DEFA4: variants seen among roughly 807,000 people sequenced by gnomAD.
The protein encoded by DEFA4 is defensin alpha 4, also known as corticostatin.
DEFA4 carries 8 observed loss-of-function variants against 4.4 expected under a neutral mutation model. The ratio of observed to expected loss-of-function variants is 1.82; its 90% CI spans 1.07 to 3.29. The LOEUF (loss-of-function observed/expected upper bound fraction) is 3.29, where lower values mean the gene tolerates loss of function less well. Among genes scored for constraint, DEFA4 ranks in the 30% most tolerant of loss-of-function variants. DEFA4 has a pLI of 0.00. For missense variants in DEFA4, 216 were observed against 127.0 expected, an observed-to-expected ratio of 1.70 and a Z score of -3.37; for synonymous variants, 77 against 46.5, an observed-to-expected ratio of 1.66 and a Z score of -2.67.
chr8:6,937,636 A>G (rs551205896), intron 1 of DEFA4, among the ~76,000 whole-genome samples: 2 of 152,302 alleles, frequency 1.3e-5, no homozygotes, highest in East Asian at 3.9e-4. Flanking sequence ...AAACCATACA[A>G]CTACGAGAAG....
chr8:6,936,154 A>C lies in DEFA4; in HGVS notation c.173-13T>G. 6.2e-7 allele frequency: 1 copy of C among 1,613,206 alleles called. No homozygotes were observed. The highest frequency in any genetic ancestry group is 8.5e-7 in the Non-Finnish European group (1 of 1,179,564). The stretch of plus-strand genomic sequence containing the variant: ...CCCCTTGTTGAGCCTGGGAACACAG[A>C]GGAAGCATGAGAAATTAAGCACCAA... On this transcript the variant is annotated splice_polypyrimidine_tract_variant and intron_variant, in intron 2 of 2. Coordinates refer to ENST00000297435, the MANE Select transcript of DEFA4 (RefSeq NM_001925.3).
In DEFA4 at chr8:6,936,928, A is replaced by G. The variant is rs1808882879; in HGVS notation, c.-12-17T>C. The G allele has an allele frequency of 6.5e-7, 1 of 1,548,130 alleles. No homozygotes were observed. Among genetic ancestry groups the G allele is most frequent in the Admixed American group, 1.9e-5 (1 of 53,560 alleles). On this transcript the variant is annotated splice_polypyrimidine_tract_variant and intron_variant, in intron 1 of 2. Coordinates refer to ENST00000297435, the MANE Select transcript of DEFA4 (RefSeq NM_001925.3). ...TGGGGTGACCTGGAGGAGGGAGAGC[A>G]GGAGCAGCTGTGTGGGGAGGGAGAA...
At chr8:6,937,539 G>C (rs966554916) in intron 1 of DEFA4, among the ~76,000 whole-genome samples, 2 of 151,798 alleles carry the variant, frequency 1.3e-5, no homozygotes, top group Non-Finnish European at 2.9e-5. Flanking sequence ...GAGTTGCTAG[G>C]TGCATACACG....
At chr8:6,936,629 A>C (rs937035062) in intron 2 of DEFA4, 99 bp downstream of exon 2, 7 of 1,293,286 alleles carry the variant, frequency 5.4e-6, no homozygotes, top group Non-Finnish European at 7.2e-6. Context: ...TGGTAAGTAA[A>C]GCCACCTAAG....
rs140882302 is a variant in DEFA4, at chr8:6,936,844, G to T, written c.56C>A (p.Ala19Glu). Residue 19 changes from alanine to glutamate, a missense_variant, in exon 2 of 3, where the codon GCA (alanine) becomes GAA (glutamate). Transcript: ENST00000297435. ...ATCACCTCTTGCCTGGAGTGGGCCT[G>T]CCCGGACCTGGAGGGCTACCAAGAG... ...AILLVALQVR[A>E]GPLQARGDEA... 39,391 of 1,612,910 alleles carry T rather than the reference G, an allele frequency of 0.024. 654 individuals are homozygous for T. The highest frequency in any genetic ancestry group is 0.029 in the Non-Finnish European group (33,855 of 1,179,420).
intron 1 of DEFA4, among the ~76,000 whole-genome samples, chr8:6,937,763 T>C (rs1808923474): frequency 6.6e-6 from 1 of 152,140 alleles, no homozygotes; most frequent in Non-Finnish European, 1.5e-5. Context: ...CATTGAACGC[T>C]AAAGCATCTT....
At chr8:6,937,706 C>T (rs778818512) in intron 1 of DEFA4, among the ~76,000 whole-genome samples, 2 of 152,086 alleles carry the variant, frequency 1.3e-5, no homozygotes, top group Non-Finnish European at 2.9e-5. Flanking sequence ...GCTATGACAC[C>T]AAAGGCACAG....
chr8:6,937,005 T>C lies in DEFA4; in HGVS notation c.-12-94A>G, dbSNP rs28540587. 3.1e-5 allele frequency: 36 copies of C among 1,173,140 alleles called. No homozygotes were observed. The African/African-American group carries it at 4.7e-4, about 15-fold the overall frequency. The allele number at this position is 1,173,140 out of a possible 1,614,324, so 72.7% of individuals were successfully genotyped here. A position where few individuals can be genotyped will look rare whatever the true frequency, so the allele number is the denominator to read the frequency against. On this transcript the variant is annotated intron_variant, in intron 1 of 2. Coordinates refer to ENST00000297435, the MANE Select transcript of DEFA4 (RefSeq NM_001925.3). ...GGAGAAGGCACAGAGATAAGAAACCTTTGGCCTTCTGAGTGAGAGGAGGTG... is the reference window on the plus strand; with the variant it reads ...GGAGAAGGCACAGAGATAAGAAACCCTTGGCCTTCTGAGTGAGAGGAGGTG...
chr8:6,936,832 T>C lies in DEFA4; in HGVS notation c.68A>G (p.Gln23Arg). ...VALQVRAGPL[Q>R]ARGDEAPGQE... ...GCCTGGAGCCTCATCACCTCTTGCC[T>C]GGAGTGGGCCTGCCCGGACCTGGAG... Residue 23 changes from glutamine (Q) to arginine (R), a missense_variant, in exon 2 of 3, where the codon CAG becomes CGG. Coordinates refer to ENST00000297435, the MANE Select transcript of DEFA4 (RefSeq NM_001925.3). 6.2e-7 allele frequency: 1 copy of C among 1,613,428 alleles called. No individual in the cohort carries two copies. The highest frequency in any genetic ancestry group is 1.3e-5 in the African/African-American group (1 of 75,018).
chr8:6,936,875 C>T lies in DEFA4; in HGVS notation c.25G>A (p.Ala9Thr), dbSNP rs996948736. Reference sequence around the variant, plus strand: ...ACCTGGAGGGCTACCAAGAGAATAGCAGCGAGGAGGGCGATAATCCTCATG... The same window carrying T: ...ACCTGGAGGGCTACCAAGAGAATAGTAGCGAGGAGGGCGATAATCCTCATG... MRIIALLA[A>T]ILLVALQVRA... Residue 9 changes from alanine (A) to threonine (T), a missense_variant, in exon 2 of 3, where the codon GCT becomes ACT. Coordinates refer to ENST00000297435, the MANE Select transcript of DEFA4 (RefSeq NM_001925.3). 6.2e-7 allele frequency: 1 copy of T among 1,609,932 alleles called. No individual in the cohort carries two copies.
chr8:6,936,942 G>C (rs769570805), intron 1 of DEFA4, 31 bp from the exon 2 acceptor site: 1 of 1,489,010 alleles, frequency 6.7e-7, no homozygotes, highest in East Asian at 2.4e-5. Flanking sequence ...GCAGCTGTGT[G>C]GGGAGGGAGA....
At position 6,937,076 on chromosome 8, in the gene DEFA4, C is replaced by G. The variant is rs75045417; in HGVS notation, c.-12-165G>C. Among the ~76,000 whole-genome samples, 5 of 152,112 alleles carry G rather than the reference C, an allele frequency of 3.3e-5. No individual in the cohort carries two copies. In the East Asian group the frequency reaches 9.7e-4, roughly 29 times the overall value. ...GCCGACTCCTATTGGCCTTGACATC[C>G]CTGGAATGCTCCTCTGCTCTCCCAG... On this transcript the variant is annotated intron_variant, in intron 1 of 2. Transcript: ENST00000297435.
intron 2 of DEFA4, 147 bp from the exon 3 acceptor site, chr8:6,936,288 A>G: frequency 1.0e-6 from 1 of 976,796 alleles, no homozygotes; most frequent in Non-Finnish European, 1.5e-6. Flanking sequence ...CAATAGGAAT[A>G]AATACACAGA....
At chr8:6,937,350 C>G (rs566802526) in intron 1 of DEFA4, among the ~76,000 whole-genome samples, 1 of 152,030 alleles carries the variant, frequency 6.6e-6, no homozygotes, top group Admixed American at 6.6e-5. Flanking sequence ...ACCTGTATTC[C>G]GGTGGAGTAG....
chr8:6,936,079 C>G lies in DEFA4; in HGVS notation c.235G>C (p.Val79Leu), dbSNP rs1353387644. ...LVFCRRTELRVGNCLIGGVSF... is the reference protein window; with the variant it reads ...LVFCRRTELRLGNCLIGGVSF... ...ACACCACCAATGAGGCAGTTCCCAA[C>G]ACGAAGTTCTGTTCGCCGGCAGAAT... The change falls in exon 3 of 3, where the codon GTT becomes CTT. Residue 79 changes from valine (V) to leucine (L), a missense_variant. Transcript: ENST00000297435. 3 of 1,613,948 alleles carry G rather than the reference C, an allele frequency of 1.9e-6. No individual in the cohort carries two copies. The highest frequency in any genetic ancestry group is 2.2e-5 in the East Asian group (1 of 44,898).
Position 6,936,911 on chromosome 8 carries a change from C to G in DEFA4, c.-12G>C, listed in dbSNP as rs56007429. The G allele has an allele frequency of 6.3e-7, 1 of 1,578,698 alleles. No individual in the cohort carries two copies. Among genetic ancestry groups the G allele is most frequent in the South Asian group, 1.2e-5 (1 of 86,104 alleles). ...GCGATAATCCTCATGGCTGGGGTGA[C>G]CTGGAGGAGGGAGAGCAGGAGCAGC... On this transcript the variant is annotated splice_region_variant and 5_prime_UTR_variant, in exon 2 of 3. Coordinates refer to ENST00000297435, the MANE Select transcript of DEFA4 (RefSeq NM_001925.3).
At position 6,936,774 on chromosome 8, in the gene DEFA4, T is replaced by C. The variant is rs752419510; in HGVS notation, c.126A>G (p.Ile42Met). 42 of 1,613,246 alleles carry C rather than the reference T, an allele frequency of 2.6e-5. No individual in the cohort carries two copies. Among genetic ancestry groups the C allele is most frequent in the South Asian group, 1.2e-4 (11 of 90,752 alleles). The stretch of plus-strand genomic sequence containing the variant: ...TTTTATCCCATGCAAAGGAAATAGA[T>C]ATGTCCTGGTCTTCTGGCCCACGCT... ...QEQRGPEDQD[I>M]SISFAWDKSS... Residue 42 changes from isoleucine (I) to methionine (M), a missense_variant, in exon 2 of 3, where the codon ATA becomes ATG. Transcript: ENST00000297435.
In DEFA4 at chr8:6,935,847, A is replaced by G. The variant is rs1808822764; in HGVS notation, c.*173T>C. The G allele has an allele frequency of 1.3e-6, 1 of 795,872 alleles. No homozygotes were observed. Among genetic ancestry groups the G allele is most frequent in the South Asian group, 1.7e-5 (1 of 57,164 alleles). 49.3% of individuals were successfully genotyped at this position (795,872 alleles called of 1,614,324 possible). A position where few individuals can be genotyped will look rare whatever the true frequency, so the allele number is the denominator to read the frequency against. ...TCTTGTTACGAGATATATATTTAGG[A>G]TCAAGAAAGATGTTAAGGACAAAGT... On this transcript the variant is annotated 3_prime_UTR_variant, in exon 3 of 3. Coordinates refer to ENST00000297435, the MANE Select transcript of DEFA4 (RefSeq NM_001925.3).
At chr8:6,936,247 C>T in intron 2 of DEFA4, 106 bp from the exon 3 acceptor site, 3 of 1,454,020 alleles carry the variant, frequency 2.1e-6, no homozygotes, top group African/African-American at 1.4e-5. Flanking sequence ...ATGCTGGCTG[C>T]ATTAGTGCCG....
Sources: allele counts gnomAD v4.1 joint callset (sites outside exome capture counted in the v4.1 genomes callset), GRCh38; gene constraint gnomAD v4.1.1; transcripts MANE v1.5; gene names NCBI Gene and HGNC (gene_info 2026-07-23, HGNC 2026-07-21).